TRMT1: variants seen among roughly 807,000 people sequenced by gnomAD.
TRMT1 encodes tRNA (guanine(26)-N(2))-dimethyltransferase.
TRMT1 carries 63 observed loss-of-function variants against 75.4 expected under a neutral mutation model. That is an observed-to-expected ratio of 0.84 (90% CI 0.68 to 1.03). The LOEUF (loss-of-function observed/expected upper bound fraction) is 1.03, where lower values mean the gene tolerates loss of function less well. TRMT1 is among the 50% of genes least tolerant of loss of function. The pLI is 0.00. For missense variants in TRMT1, 870 were observed against 905.3 expected, an observed-to-expected ratio of 0.96 and a Z score of 0.50; for synonymous variants, 382 against 358.1, an observed-to-expected ratio of 1.07 and a Z score of -0.75.
Position 13,106,919 on chromosome 19 carries a change from G to A in TRMT1, c.1583+655C>T, listed in dbSNP as rs1316272833. ...CTCACTGCAAGCTCTGCCCCCCGGG[G>A]TTCACGCCATTCTCCTGTCTCAGCC... is the stretch of plus-strand genomic sequence containing the variant. On this transcript the variant is annotated intron_variant, in intron 14 of 16. Transcript: ENST00000357720. 3.4e-5 allele frequency among the ~76,000 whole-genome samples: 5 copies of A among 149,012 alleles called. No individual in the cohort carries two copies. The South Asian group carries it at 6.4e-4, about 19-fold the overall frequency.
At chr19:13,113,902 G>A (rs1159581544) in intron 5 of TRMT1, among the ~76,000 whole-genome samples, 2 of 152,122 alleles carry the variant, frequency 1.3e-5, no homozygotes, top group South Asian at 2.1e-4. Context: ...GAGCCACTGC[G>A]TCTGACCTCA....
At position 13,109,863 on chromosome 19, in the gene TRMT1, G is replaced by A. The variant is rs372548988; in HGVS notation, c.1107-25C>T. On this transcript the variant is annotated intron_variant, in intron 9 of 16. Transcript: ENST00000357720. Reference sequence around the variant, plus strand: ...CCTAAACAGAGAGGGGTGGTTGGTGGGGAGGGAGGAAAACCCTGGGACTCC... The same window carrying A: ...CCTAAACAGAGAGGGGTGGTTGGTGAGGAGGGAGGAAAACCCTGGGACTCC... The A allele has an allele frequency of 6.1e-5, 98 of 1,613,876 alleles. 1 individual carries two copies. Among genetic ancestry groups the A allele is most frequent in the South Asian group, 2.9e-4 (26 of 91,064 alleles).
Position 13,116,734 on chromosome 19 carries a change from A to T in TRMT1, c.-114T>A. 3.0e-6 allele frequency: 1 copy of T among 338,018 alleles called. No homozygotes were observed. The highest frequency in any genetic ancestry group is 5.5e-6 in the Non-Finnish European group (1 of 180,886). The allele number at this position is 338,018 out of a possible 1,614,324, so 20.9% of individuals were successfully genotyped here. A position where few individuals can be genotyped will look rare whatever the true frequency, so the allele number is the denominator to read the frequency against. On this transcript the variant is annotated 5_prime_UTR_variant, in exon 1 of 17. Coordinates refer to ENST00000357720, the MANE Select transcript of TRMT1 (RefSeq NM_001136035.4). ...GACCTGGGCGCCGCCATGTTGGCAC[A>T]GTGGGTGGGCGAATCACATGATAGT... is the stretch of plus-strand genomic sequence containing the variant.
At chr19:13,112,235 T>C (rs1206403149) in intron 7 of TRMT1, among the ~76,000 whole-genome samples, 1 of 150,224 alleles carries the variant, frequency 6.7e-6, no homozygotes, top group East Asian at 2.0e-4. Context: ...GTGATCCACC[T>C]GCCTAGGCCT....
At chr19:13,116,470 A>G in intron 1 of TRMT1, 39 bp from the exon 2 acceptor site, 1 of 1,537,254 alleles carries the variant, frequency 6.5e-7, no homozygotes, top group Non-Finnish European at 8.7e-7. Flanking sequence ...AGAGGGTCAG[A>G]GAGCCGCATT....
chr19:13,107,912 C>T (rs1206158618), intron 12 of TRMT1, 53 bp from the exon 13 acceptor site: 1 of 1,465,522 alleles, frequency 6.8e-7, no homozygotes, highest in Non-Finnish European at 9.4e-7. Context: ...GACCCCAAAG[C>T]CCAAGCTGAC....
At chr19:13,110,112 C>T in intron 8 of TRMT1, 46 bp downstream of exon 8, 2 of 1,609,408 alleles carry the variant, frequency 1.2e-6, no homozygotes, top group South Asian at 2.2e-5. Context: ...GGGCAAGGTC[C>T]TGTCTCCTCT....
At chr19:13,105,648 C>T (rs1461286761) in intron 14 of TRMT1, 42 bp from the exon 15 acceptor site, 1 of 1,573,102 alleles carries the variant, frequency 6.4e-7, no homozygotes, top group Non-Finnish European at 8.7e-7. Flanking sequence ...GGGGAAGCTG[C>T]CACACGAGTG....
chr19:13,116,186 C>G lies in TRMT1; in HGVS notation c.214G>C (p.Val72Leu). ...AKIAFPSANE[V>L]FYNPVQEFNR... Reference sequence around the variant, plus strand: ...AATTCCTGCACCGGGTTATAAAAGACCTCGTTGGCACTGGGAAAGGCGATT... The same window carrying G: ...AATTCCTGCACCGGGTTATAAAAGAGCTCGTTGGCACTGGGAAAGGCGATT... The change falls in exon 2 of 17, where the codon GTC becomes CTC. Residue 72 changes from valine (V) to leucine (L), a missense_variant. By Grantham distance (32) the Val-to-Leu change is conservative (BLOSUM62 1). Transcript: ENST00000357720. 1 of 1,614,142 alleles carries G rather than the reference C, an allele frequency of 6.2e-7. No individual in the cohort carries two copies.
intron 12 of TRMT1, 66 bp downstream of exon 12, chr19:13,109,315 C>G: frequency 6.3e-7 from 1 of 1,580,974 alleles, no homozygotes. Context: ...GCATGAGAAT[C>G]CCTGGACTTG....
Position 13,110,321 on chromosome 19 carries a change from TG to T in TRMT1, c.871-16del. On this transcript the variant is annotated splice_polypyrimidine_tract_variant and intron_variant, in intron 7 of 16. Transcript: ENST00000357720. ...ATTCTCAGGGCCTGGGGGTGGGGGGTGGGTGTCAGCCTCCCCTCCACTATCC... is the reference window on the plus strand; with the variant it reads ...ATTCTCAGGGCCTGGGGGTGGGGGGTGGTGTCAGCCTCCCCTCCACTATCC... The T allele has an allele frequency of 3.4e-6, 2 of 583,794 alleles. No homozygotes were observed. The highest frequency in any genetic ancestry group is 6.1e-6 in the Non-Finnish European group (2 of 327,386). The allele number at this position is 583,794 out of a possible 1,614,324, so 36.2% of individuals were successfully genotyped here. A position where few individuals can be genotyped will look rare whatever the true frequency, so the allele number is the denominator to read the frequency against.
intron 12 of TRMT1, among the ~76,000 whole-genome samples, chr19:13,108,493 A>G (rs1015571706): frequency 1.4e-5 from 2 of 147,636 alleles, no homozygotes; most frequent in South Asian, 4.3e-4. Context: ...GGGTTTCGCC[A>G]CGTTGACCGG....
chr19:13,115,561 C>G, intron 4 of TRMT1, 65 bp downstream of exon 4: 1 of 1,607,868 alleles, frequency 6.2e-7, no homozygotes, highest in Non-Finnish European at 8.5e-7. Flanking sequence ...ATAGCTCTCC[C>G]CCTCCAGGAG....
At position 13,115,337 on chromosome 19, in the gene TRMT1, G is replaced by T; in HGVS notation, c.583C>A (p.Arg195=). 1 of 1,614,048 alleles carries T rather than the reference G, an allele frequency of 6.2e-7. No individual in the cohort carries two copies. The highest frequency in any genetic ancestry group is 8.5e-7 in the Non-Finnish European group (1 of 1,180,028). ...GCCACGTCATTGAGCTGGACATTCC[G>T]GCGTATGAGATCCACAGCCCGGGTG... ...ASTRAVDLIR[R]NVQLNDVAHL... is the part of the protein sequence containing the mutation. Residue 195 remains arginine (R), a synonymous_variant, in exon 5 of 17, where the codon CGG becomes AGG. Transcript: ENST00000357720.
chr19:13,113,111 C>A, intron 5 of TRMT1, 100 bp from the exon 6 acceptor site: 1 of 726,668 alleles, frequency 1.4e-6, no homozygotes, highest in South Asian at 3.0e-5. Flanking sequence ...TGGGTCTGAA[C>A]TCCGGGGCCA....
chr19:13,115,269 C>T lies in TRMT1; in HGVS notation c.641+10G>A, dbSNP rs758176797. ...TGTCCCAGAGCTAGGCTGTGATGCC[C>T]AGAACCTACCGGGCATCTGCTTGGC... On this transcript the variant is annotated intron_variant, in intron 5 of 16. Transcript: ENST00000357720. The T allele has an allele frequency of 1.4e-5, 23 of 1,606,180 alleles. No individual in the cohort carries two copies. Among genetic ancestry groups the T allele is most frequent in the Non-Finnish European group, 2.0e-5 (23 of 1,175,714 alleles).
chr19:13,107,329 G>A (rs2018919188), intron 14 of TRMT1, among the ~76,000 whole-genome samples: 1 of 150,192 alleles, frequency 6.7e-6, no homozygotes, highest in Non-Finnish European at 1.5e-5. Context: ...TAGTAGAGAT[G>A]GGGTTCCACC....
At position 13,116,434 on chromosome 19, in the gene TRMT1, G is replaced by C. The variant is rs780423398; in HGVS notation, c.-32-3C>G. 96 of 1,580,252 alleles carry C rather than the reference G, an allele frequency of 6.1e-5. No homozygotes were observed. Among genetic ancestry groups the C allele is most frequent in the Non-Finnish European group, 8.2e-5 (96 of 1,165,822 alleles). Reference sequence around the variant, plus strand: ...GCTGGCGCCTCCGCCCGCCAAGCCTGGTTCGGGGGGCGGGGGAGGGCACAG... The same window carrying C: ...GCTGGCGCCTCCGCCCGCCAAGCCTCGTTCGGGGGGCGGGGGAGGGCACAG... On this transcript the variant is annotated splice_region_variant and splice_polypyrimidine_tract_variant and intron_variant, in intron 1 of 16. Coordinates refer to ENST00000357720, the MANE Select transcript of TRMT1 (RefSeq NM_001136035.4).
intron 14 of TRMT1, among the ~76,000 whole-genome samples, chr19:13,106,789 G>A (rs2018890399): frequency 6.7e-6 from 1 of 150,002 alleles, no homozygotes; most frequent in Admixed American, 6.7e-5. Flanking sequence ...GCCCAGCCCA[G>A]TCAGCAGATT....
Sources: allele counts gnomAD v4.1 joint callset (sites outside exome capture counted in the v4.1 genomes callset), GRCh38; gene constraint gnomAD v4.1.1; transcripts MANE v1.5; gene names NCBI Gene and HGNC (gene_info 2026-07-23, HGNC 2026-07-21).